NKAIN3: variants seen among roughly 807,000 people sequenced by gnomAD.
NKAIN3 encodes sodium/potassium-transporting ATPase subunit beta-1-interacting protein 3.
Under a neutral mutation model 30.2 loss-of-function variants are expected in NKAIN3, and 25 were observed. That is an observed-to-expected ratio of 0.83 (90% confidence interval 0.60 to 1.16). The LOEUF is 1.16. Ranked by LOEUF, NKAIN3 falls within the 50% of genes most tolerant of loss-of-function variation. NKAIN3 has a pLI of 0.00. For missense variants in NKAIN3, 225 were observed against 254.1 expected (o/e 0.89, Z 0.78); for synonymous variants, 91 against 89.6 (o/e 1.02, Z -0.09).
intron 3 of NKAIN3, among the ~76,000 whole-genome samples, chr8:62,630,781 T>TC (rs1357832950): frequency 6.6e-6 from 1 of 152,146 alleles, no homozygotes; most frequent in Non-Finnish European, 1.5e-5. Context: ...TCTGTCTGAC[T>TC]CAGAGAAATC....
chr8:62,710,836 T>C (rs1052176377), intron 3 of NKAIN3, among the ~76,000 whole-genome samples: 1 of 152,216 alleles, frequency 6.6e-6, no homozygotes, highest in Non-Finnish European at 1.5e-5. Context: ...TGATAGGTCC[T>C]GTGTGATTTA....
At chr8:62,542,877 A>G (rs1808889866) in intron 1 of NKAIN3, among the ~76,000 whole-genome samples, 1 of 152,130 alleles carries the variant, frequency 6.6e-6, no homozygotes, top group African/African-American at 2.4e-5. Context: ...AATGTGTAGT[A>G]ATTTCCATGT....
intron 1 of NKAIN3, among the ~76,000 whole-genome samples, chr8:62,527,211 G>A (rs962566508): frequency 1.3e-5 from 2 of 152,080 alleles, no homozygotes; most frequent in African/African-American, 2.4e-5. Context: ...TCAGCCAAAC[G>A]ACTCAACATT....
chr8:62,740,345 C>T (rs760763480), intron 3 of NKAIN3, among the ~76,000 whole-genome samples: 2 of 152,028 alleles, frequency 1.3e-5, no homozygotes, highest in Admixed American at 6.6e-5. Context: ...TTTAAGGTCA[C>T]GTTTTCACTT....
chr8:62,434,157 G>A (rs1008846267), intron 1 of NKAIN3, among the ~76,000 whole-genome samples: 1 of 152,180 alleles, frequency 6.6e-6, no homozygotes, highest in African/African-American at 2.4e-5. Flanking sequence ...GTCTGATGGA[G>A]ACTTGTATTG....
chr8:62,874,123 A>C (rs2130805272), intron 4 of NKAIN3, among the ~76,000 whole-genome samples: 1 of 152,296 alleles, frequency 6.6e-6, no homozygotes, highest in East Asian at 1.9e-4. Flanking sequence ...AGAATCAAAT[A>C]GACACAATAA....
chr8:62,805,447 A>C (rs1251265872), intron 4 of NKAIN3, among the ~76,000 whole-genome samples: 1 of 152,190 alleles, frequency 6.6e-6, no homozygotes, highest in Non-Finnish European at 1.5e-5. Flanking sequence ...CTGGTACCAA[A>C]ACAGAGATAT....
rs554517592 is a variant in NKAIN3 at position 62,533,510 on chromosome 8, C to T, written c.55-46029C>T. Among the ~76,000 whole-genome samples, 10 of 152,112 alleles carry T rather than the reference C, an allele frequency of 6.6e-5. No individual in the cohort carries two copies. In the East Asian group the frequency reaches 1.9e-3, roughly 29 times the overall value. ...CTTCTCACCCCACCTCCTAACAGGG[C>T]TTCAGGATGCTTGGACCAGGAGAAT... On this transcript the variant is annotated intron_variant, in intron 1 of 6. Coordinates refer to ENST00000623646, the MANE Select transcript of NKAIN3 (RefSeq NM_001304533.3).
At chr8:62,736,055 G>A (rs1815659511) in intron 3 of NKAIN3, among the ~76,000 whole-genome samples, 1 of 152,220 alleles carries the variant, frequency 6.6e-6, no homozygotes, top group Non-Finnish European at 1.5e-5. Flanking sequence ...GCAAGGGAGT[G>A]AAGTGGACTC....
Position 62,978,418 on chromosome 8 carries a change from G to A in NKAIN3, c.*13011G>A, listed in dbSNP as rs1823993721. 1 of 152,388 alleles carries A rather than the reference G, an allele frequency of 6.6e-6. No individual in the cohort carries two copies. Among genetic ancestry groups the A allele is most frequent in the African/African-American group, 2.4e-5 (1 of 41,456 alleles). 9.4% of individuals were successfully genotyped at this position (152,388 alleles called of 1,614,324 possible). A position where few individuals can be genotyped will look rare whatever the true frequency, so the allele number is the denominator to read the frequency against. ...TTCTTTCAGAGATGCCCTGCCCAGAGAGGAGGAATCTAGAGAGGCAGTCTG... is the reference window on the plus strand; with the variant it reads ...TTCTTTCAGAGATGCCCTGCCCAGAAAGGAGGAATCTAGAGAGGCAGTCTG... On this transcript the variant is annotated 3_prime_UTR_variant, in exon 7 of 7. Transcript: ENST00000623646.
At chr8:62,859,545 ATTTAACCAAATTAAATAAATAACAT>A (rs550689367) in intron 4 of NKAIN3, among the ~76,000 whole-genome samples, 39 of 148,238 alleles carry the variant, frequency 2.6e-4, no homozygotes, top group African/African-American at 8.6e-4. Context: ...GCCTAGTTAC[ATTTAACCAAATTAAATAAATAACAT>A]TTTAACCAAA....
At chr8:62,887,460 C>T (rs1183078529) in intron 4 of NKAIN3, among the ~76,000 whole-genome samples, 1 of 152,210 alleles carries the variant, frequency 6.6e-6, no homozygotes, top group South Asian at 2.1e-4. Flanking sequence ...ACTTCTGCTC[C>T]TTTCTCTCTT....
At chr8:62,872,970 AC>A (rs1820691117) in intron 4 of NKAIN3, among the ~76,000 whole-genome samples, 1 of 152,202 alleles carries the variant, frequency 6.6e-6, no homozygotes, top group African/African-American at 2.4e-5. Flanking sequence ...GTACAAAATA[AC>A]TAAATAGCAT....
chr8:62,298,784 CCA>C, intron 1 of NKAIN3, among the ~76,000 whole-genome samples: 1 of 151,380 alleles, frequency 6.6e-6, no homozygotes, highest in Non-Finnish European at 1.5e-5. Context: ...TTTATCATAA[CCA>C]GTAGCTAGCT....
intron 3 of NKAIN3, among the ~76,000 whole-genome samples, chr8:62,741,408 AAGGAAGGAAGGAAGGCAGGC>A (rs797001884): frequency 5.0e-4 from 70 of 139,310 alleles, no homozygotes; most frequent in African/African-American, 1.6e-3. Flanking sequence ...GGAAGGAAGG[AAGGAAGGAAGGAAGGCAGGC>A]AAGCAAGCAA....
intron 1 of NKAIN3, among the ~76,000 whole-genome samples, chr8:62,253,913 T>G (rs992679149): frequency 1.3e-5 from 2 of 152,224 alleles, no homozygotes; most frequent in Non-Finnish European, 2.9e-5. Context: ...TTAATAGTTC[T>G]TTTCTTCTCC....
intron 1 of NKAIN3, among the ~76,000 whole-genome samples, chr8:62,470,309 C>G (rs559147331): frequency 2.6e-5 from 4 of 152,218 alleles, no homozygotes; most frequent in African/African-American, 9.6e-5. Flanking sequence ...TATTGGAAGT[C>G]TTTTTAGAAC....
chr8:62,972,147 A>G lies in NKAIN3; in HGVS notation c.*6740A>G, dbSNP rs1823849349. Reference sequence around the variant, plus strand: ...TCTTGTTATTCAGTTTAACAAGTACATAATCAACATCAGTGCTTGGGAAGT... The same window carrying G: ...TCTTGTTATTCAGTTTAACAAGTACGTAATCAACATCAGTGCTTGGGAAGT... On this transcript the variant is annotated 3_prime_UTR_variant, in exon 7 of 7. Transcript: ENST00000623646. 6.6e-6 allele frequency among the ~76,000 whole-genome samples: 1 copy of G among 152,206 alleles called. No individual in the cohort carries two copies. Among genetic ancestry groups the G allele is most frequent in the Non-Finnish European group, 1.5e-5 (1 of 68,040 alleles).
chr8:62,817,861 G>A (rs1229946330), intron 4 of NKAIN3, among the ~76,000 whole-genome samples: 2 of 152,026 alleles, frequency 1.3e-5, no homozygotes. Flanking sequence ...GCAGGTCTGA[G>A]GCTTCATTTT....
Sources: allele counts gnomAD v4.1 joint callset (sites outside exome capture counted in the v4.1 genomes callset), GRCh38; gene constraint gnomAD v4.1.1; transcripts MANE v1.5; gene names NCBI Gene and HGNC (gene_info 2026-07-23, HGNC 2026-07-21).